ANKS1B: variants seen among roughly 807,000 people sequenced by gnomAD.
ANKS1B encodes the protein ankyrin repeat and sterile alpha motif domain-containing protein 1B.
A neutral mutation model predicts 148.3 loss-of-function variants in ANKS1B; 36 were observed. The observed-to-expected ratio is 0.24, with a 90% CI of 0.19 to 0.32. ANKS1B has a LOEUF of 0.32. ANKS1B is among the 10% of genes least tolerant of loss of function. The pLI is 1.00. For synonymous variants in ANKS1B, 542 were observed against 560.8 expected (o/e 0.97, Z 0.47); for missense variants, 1,157 against 1,542.6 (o/e 0.75, Z 4.19).
chr12:99,715,493 A>ACT (rs1600424344), intron 8 of ANKS1B, among the ~76,000 whole-genome samples: 1 of 151,520 alleles, frequency 6.6e-6, no homozygotes, highest in African/African-American at 2.4e-5. Flanking sequence ...CCCTTCGCTG[A>ACT]CTCTTTTCGG....
At chr12:98,852,507 A>G (rs1045085094) in intron 17 of ANKS1B, among the ~76,000 whole-genome samples, 6 of 152,196 alleles carry the variant, frequency 3.9e-5, no homozygotes, top group African/African-American at 1.4e-4. Context: ...CTTTCTATGC[A>G]TCTGCTGGGT....
intron 17 of ANKS1B, among the ~76,000 whole-genome samples, chr12:98,960,044 G>T (rs1387644734): frequency 6.6e-6 from 1 of 152,182 alleles, no homozygotes; most frequent in Admixed American, 6.5e-5. Context: ...CCCACCCAGG[G>T]TTTGGGGAAT....
chr12:99,596,484 C>T (rs1597792822), intron 9 of ANKS1B, among the ~76,000 whole-genome samples: 1 of 151,794 alleles, frequency 6.6e-6, no homozygotes, highest in East Asian at 1.9e-4. Context: ...CTAATTATAC[C>T]TGCAAAGCCC....
intron 15 of ANKS1B, among the ~76,000 whole-genome samples, chr12:99,149,537 A>G (rs573725583): frequency 6.6e-6 from 1 of 152,302 alleles, no homozygotes; most frequent in Admixed American, 6.5e-5. Context: ...AAAGCATTCC[A>G]AGTCAATCTA....
intron 22 of ANKS1B, among the ~76,000 whole-genome samples, chr12:98,791,373 T>C (rs2098848838): frequency 6.6e-6 from 1 of 151,576 alleles, no homozygotes; most frequent in Non-Finnish European, 1.5e-5. Flanking sequence ...GAAAGGCACA[T>C]GTGAGCAAGG....
At chr12:98,741,202 A>C (rs940434946), downstream of ANKS1B, among the ~76,000 whole-genome samples, 1 of 152,200 alleles carries the variant, frequency 6.6e-6, no homozygotes, top group African/African-American at 2.4e-5. Context: ...ACAGCAATTC[A>C]ACAAATGTCA....
In ANKS1B at chr12:99,154,287, A is replaced by C; in HGVS notation, c.2526+2T>G. Reference sequence around the variant, plus strand: ...GCTCCGTGGACACAGAGAGCTTCTTACCATAAACTGCACATTGTCAAATCC... The same window carrying C: ...GCTCCGTGGACACAGAGAGCTTCTTCCCATAAACTGCACATTGTCAAATCC... On this transcript the variant is annotated splice_donor_variant, in intron 15 of 26. Coordinates refer to ENST00000683438, the MANE Select transcript of ANKS1B (RefSeq NM_001352186.2). LOFTEE classifies it high-confidence loss of function. 6.2e-7 allele frequency: 1 copy of C among 1,613,558 alleles called. No individual in the cohort carries two copies. The highest frequency in any genetic ancestry group is 8.5e-7 in the Non-Finnish European group (1 of 1,179,612).
Position 99,859,918 on chromosome 12 carries a change from G to A in ANKS1B, c.135-34529C>T, listed in dbSNP as rs542273230. The stretch of plus-strand genomic sequence containing the variant: ...CTACCTTGGCCTCCCAAAGTGCTGG[G>A]ATTACAGGCATGGGCCACCGCGCCC... On this transcript the variant is annotated intron_variant, in intron 1 of 26. Coordinates refer to ENST00000683438, the MANE Select transcript of ANKS1B (RefSeq NM_001352186.2). Among the ~76,000 whole-genome samples, 514 of 152,284 alleles carry A rather than the reference G, an allele frequency of 3.4e-3. 1 individual carries two copies. The highest frequency in any genetic ancestry group is 6.2e-3 in the Non-Finnish European group (420 of 68,018).
At chr12:99,043,481 A>C (rs1489002607) in intron 17 of ANKS1B, among the ~76,000 whole-genome samples, 1 of 152,226 alleles carries the variant, frequency 6.6e-6, no homozygotes, top group Non-Finnish European at 1.5e-5. Flanking sequence ...GGGTTCAGTA[A>C]CTTGCCCTGG....
chr12:99,971,207 C>A (rs2095554015), intron 1 of ANKS1B, among the ~76,000 whole-genome samples: 1 of 152,020 alleles, frequency 6.6e-6, no homozygotes, highest in Non-Finnish European at 1.5e-5. Context: ...ATAGTTTAAC[C>A]ATTGTTTGTA....
chr12:99,894,460 G>A (rs2093298208), intron 1 of ANKS1B, among the ~76,000 whole-genome samples: 1 of 150,012 alleles, frequency 6.7e-6, no homozygotes, highest in Admixed American at 6.7e-5. Context: ...AGTGAGCCAT[G>A]GCCATGCCAC....
intron 14 of ANKS1B, among the ~76,000 whole-genome samples, chr12:99,210,274 T>C (rs1479325803): frequency 2.6e-5 from 4 of 152,304 alleles, no homozygotes; most frequent in African/African-American, 7.2e-5. Flanking sequence ...CATGTTTCTT[T>C]CCTCTTTCTT....
Position 99,070,477 on chromosome 12 carries a change from G to C in ANKS1B, c.2625+14448C>G, listed in dbSNP as rs1599400601. Among the ~76,000 whole-genome samples, 3 of 152,282 alleles carry C rather than the reference G, an allele frequency of 2.0e-5. No individual in the cohort carries two copies. The South Asian group carries it at 6.2e-4, about 32-fold the overall frequency. ...ATTATAGCTTGAAGGACAAAGTGATGAATGAAATTTATAGCTGGATTGATG... is the reference window on the plus strand; with the variant it reads ...ATTATAGCTTGAAGGACAAAGTGATCAATGAAATTTATAGCTGGATTGATG... On this transcript the variant is annotated intron_variant, in intron 16 of 26. Transcript: ENST00000683438.
chr12:99,567,078 A>G (rs1170134177), intron 9 of ANKS1B, among the ~76,000 whole-genome samples: 1 of 152,162 alleles, frequency 6.6e-6, no homozygotes, highest in Non-Finnish European at 1.5e-5. Flanking sequence ...AGCTGCACTG[A>G]AGGTATTGGC....
intron 19 of ANKS1B, among the ~76,000 whole-genome samples, chr12:98,819,351 G>A (rs146851350): frequency 6.6e-6 from 1 of 152,252 alleles, no homozygotes; most frequent in East Asian, 1.9e-4. Flanking sequence ...GATGCTGTAC[G>A]GCCCACATCC....
chr12:99,085,062 T>C (rs1391180871), intron 15 of ANKS1B, 39 bp from the exon 16 acceptor site: 2 of 1,472,398 alleles, frequency 1.4e-6, no homozygotes, highest in African/African-American at 1.4e-5. Context: ...AAATCAAGCA[T>C]TTATACTGTG....
At chr12:98,838,974 C>T (rs949371515) in intron 17 of ANKS1B, among the ~76,000 whole-genome samples, 4 of 152,326 alleles carry the variant, frequency 2.6e-5, no homozygotes, top group Admixed American at 6.5e-5. Flanking sequence ...AATTCCATTT[C>T]GAATTCCTGC....
exon 10 of ANKS1B, chr12:98,734,992 A>T: frequency 2.6e-6 from 1 of 387,822 alleles, no homozygotes. Flanking sequence ...ACGTGCCTGT[A>T]ATCCCAGCTC....
rs568015149 is a variant in ANKS1B at position 99,927,970 on chromosome 12, A to G, written c.134+56134T>C. Among the ~76,000 whole-genome samples, 136 of 152,262 alleles carry G rather than the reference A, an allele frequency of 8.9e-4. 2 individuals are homozygous for G. Among genetic ancestry groups the G allele is most frequent in the African/African-American group, 2.9e-3 (121 of 41,564 alleles). The stretch of plus-strand genomic sequence containing the variant: ...TACTAAATGAGGTTATCATTACCAA[A>G]TATCTTCTTGGCACTTTTAAGTTTT... On this transcript the variant is annotated intron_variant, in intron 1 of 26. Transcript: ENST00000683438.
Sources: allele counts gnomAD v4.1 joint callset (sites outside exome capture counted in the v4.1 genomes callset), GRCh38; gene constraint gnomAD v4.1.1; transcripts MANE v1.5; gene names NCBI Gene and HGNC (gene_info 2026-07-23, HGNC 2026-07-21).